Variants in MED24 observed in about 807,000 individuals in gnomAD.
MED24 encodes mediator complex subunit 24, also known as mediator of RNA polymerase II transcription subunit 24.
MED24 carries 74 observed loss-of-function variants against 118.8 expected under a neutral mutation model. The observed-to-expected ratio is 0.62, with a 90% CI of 0.52 to 0.76. The LOEUF (loss-of-function observed/expected upper bound fraction) is 0.76, where lower values mean the gene tolerates loss of function less well. MED24 is among the 30% of genes least tolerant of loss of function. MED24 has a pLI of 0.00. For synonymous variants in MED24, 521 were observed against 523.9 expected, an observed-to-expected ratio of 0.99 and a Z score of 0.08; for missense variants, 1,041 against 1,278.9, an observed-to-expected ratio of 0.81 and a Z score of 2.84.
At chr17:40,036,035 G>T in intron 4 of MED24, 81 bp downstream of exon 4, 3 of 1,459,614 alleles carry the variant, frequency 2.1e-6, no homozygotes, top group Non-Finnish European at 2.9e-6. Flanking sequence ...CCAGCCTCAC[G>T]GGTCACAGCA....
rs1444788918 is a variant in MED24, at chr17:40,053,183, C to T, written c.213+115G>A. On this transcript the variant is annotated intron_variant, in intron 3 of 25. Coordinates refer to ENST00000394128, the MANE Select transcript of MED24 (RefSeq NM_014815.4). ...CTCCTGGGCTCAAGCAATCCGCCTG[C>T]CTCAGCCTCCCACAATGCTGGGATT... 12 of 1,005,712 alleles carry T rather than the reference C, an allele frequency of 1.2e-5. No individual in the cohort carries two copies. In the East Asian group the frequency reaches 2.8e-4, roughly 24 times the overall value. The allele number at this position is 1,005,712 out of a possible 1,614,324, so 62.3% of individuals were successfully genotyped here. A position where few individuals can be genotyped will look rare whatever the true frequency, so the allele number is the denominator to read the frequency against.
intron 3 of MED24, among the ~76,000 whole-genome samples, chr17:40,039,935 C>G (rs9916661): frequency 0.021 from 3,142 of 151,720 alleles, 130 homozygotes; most frequent in African/African-American, 0.072. Context: ...AGGCACCCAC[C>G]ACCACGCCCG....
intron 13 of MED24, among the ~76,000 whole-genome samples, chr17:40,029,321 C>T (rs1010552996): frequency 6.6e-6 from 1 of 152,194 alleles, no homozygotes; most frequent in Non-Finnish European, 1.5e-5. Flanking sequence ...GCCTCAGCCT[C>T]CCAAGTAACT....
intron 3 of MED24, among the ~76,000 whole-genome samples, chr17:40,038,978 C>T (rs1170936484): frequency 6.6e-6 from 1 of 152,096 alleles, no homozygotes; most frequent in Non-Finnish European, 1.5e-5. Context: ...CATAACGTTC[C>T]GGCGAGCGTT....
Position 40,033,098 on chromosome 17 carries a change from C to T in MED24, c.780G>A (p.Thr260=), listed in dbSNP as rs759218620. The T allele has an allele frequency of 4.3e-6, 7 of 1,614,100 alleles. No individual in the cohort carries two copies. The highest frequency in any genetic ancestry group is 1.7e-4 in the Middle Eastern group (1 of 6,060). The part of the protein sequence containing the change: ...LEGTMNLTGE[T]QSLVEQLTMV... ...TCGTCAGCTGCTCCACCAGGGACTG[C>T]GTCTCGCCTGTCAGGTTCATGGTGC... The change falls in exon 8 of 26, where the codon ACG becomes ACA. Residue 260 remains threonine (T), a synonymous_variant. Coordinates refer to ENST00000394128, the MANE Select transcript of MED24 (RefSeq NM_014815.4). The surrounding 1 kb of genome is among the most constrained non-coding windows in gnomAD (Gnocchi z 5.2).
chr17:40,023,529 C>A, intron 19 of MED24, 134 bp from the exon 20 acceptor site: 1 of 852,014 alleles, frequency 1.2e-6, no homozygotes, highest in East Asian at 2.6e-5. Flanking sequence ...CCCAGTTTTG[C>A]GCTGGGGGAC....
intron 3 of MED24, among the ~76,000 whole-genome samples, chr17:40,043,890 C>CAAAAAATAAAAAAAAAAAAAAAA (rs1984830223): frequency 1.0e-5 from 1 of 97,448 alleles, no homozygotes; most frequent in Non-Finnish European, 2.2e-5. Context: ...GACTCCATCT[C>CAAAAAATAAAAAAAAAAAAAAAA]AAAAAAAAAA....
At chr17:40,051,527 TCA>T (rs1985844385) in intron 3 of MED24, among the ~76,000 whole-genome samples, 4 of 151,738 alleles carry the variant, frequency 2.6e-5, no homozygotes, top group Non-Finnish European at 5.9e-5. Flanking sequence ...GGCACGAGAA[TCA>T]CTTAAACCTG....
chr17:40,046,142 T>A (rs1009843670), intron 3 of MED24, among the ~76,000 whole-genome samples: 5 of 146,082 alleles, frequency 3.4e-5, no homozygotes, highest in African/African-American at 1.3e-4. Flanking sequence ...TGGAGCGCAG[T>A]GGCGCGATCT....
At chr17:40,022,923 C>T in intron 20 of MED24, 97 bp from the exon 21 acceptor site, 1 of 1,450,776 alleles carries the variant, frequency 6.9e-7, no homozygotes, top group Non-Finnish European at 9.3e-7. Context: ...GTAAGGCCCG[C>T]AGAGGGGGCC....
At chr17:40,022,164 CCTCAGCCCCTCTCTG>C (rs1982100406) in intron 22 of MED24, 110 bp from the exon 23 acceptor site, 6 of 947,018 alleles carry the variant, frequency 6.3e-6, no homozygotes, top group Non-Finnish European at 9.5e-6. Flanking sequence ...GCTAGCAGGG[CCTCAGCCCCTCTCTG>C]CTCAACCCCT....
chr17:40,044,924 G>C (rs1984999798), intron 3 of MED24, among the ~76,000 whole-genome samples: 1 of 151,784 alleles, frequency 6.6e-6, no homozygotes. Context: ...AAGGTATGGG[G>C]AAATACTGTC....
chr17:40,035,491 C>A, intron 5 of MED24, 142 bp from the exon 6 acceptor site: 3 of 1,016,040 alleles, frequency 3.0e-6, no homozygotes, highest in South Asian at 3.4e-5. Context: ...AGATGCTTAG[C>A]CCCTTTGGCT....
At chr17:40,037,420 T>C (rs1984072677) in intron 3 of MED24, among the ~76,000 whole-genome samples, 1 of 152,078 alleles carries the variant, frequency 6.6e-6, no homozygotes, top group Non-Finnish European at 1.5e-5. Context: ...GGCGGGTGCC[T>C]GCAGTCCCCA....
rs1021430917 is a variant in MED24, at chr17:40,019,173, CAA to C, written c.*354_*355del. 91 of 193,786 alleles carry C rather than the reference CAA, an allele frequency of 4.7e-4. No individual in the cohort carries two copies. Among genetic ancestry groups the C allele is most frequent in the African/African-American group, 2.3e-3 (90 of 38,922 alleles). 12.0% of individuals were successfully genotyped at this position (193,786 alleles called of 1,614,324 possible). A position where few individuals can be genotyped will look rare whatever the true frequency, so the allele number is the denominator to read the frequency against. On this transcript the variant is annotated 3_prime_UTR_variant, in exon 26 of 26. Transcript: ENST00000394128. ...TCCCTCACATATTACAAAATACACA[CAA>C]ACACACACACACACACACACACACA...
At position 40,033,375 on chromosome 17, in the gene MED24, T is replaced by A; in HGVS notation, c.641A>T (p.Gln214Leu). 1 of 1,612,802 alleles carries A rather than the reference T, an allele frequency of 6.2e-7. No individual in the cohort carries two copies. Among genetic ancestry groups the A allele is most frequent in the East Asian group, 2.2e-5 (1 of 44,840 alleles). The stretch of plus-strand genomic sequence containing the variant: ...AATGAGGGTGCCACACTGCTCGGCC[T>A]GACTCCGGAGCTGCGGGTTGCTGAG... ...ANLSNPQLRS[Q>L]AEQCGTLIRS... Residue 214 changes from glutamine to leucine, a missense_variant, in exon 7 of 26, where the codon CAG becomes CTG. By Grantham distance (113) the Gln-to-Leu change is moderately radical (BLOSUM62 -2). Around this residue, in one of 3 missense-constraint regions of MED24, gnomAD observed 434 missense variants for 514.9 expected, o/e 0.84. Transcript: ENST00000394128. This position sits in a 1 kb window ranked among gnomAD's most constrained non-coding sequence, Gnocchi z 5.2.
intron 15 of MED24, 147 bp downstream of exon 15, chr17:40,027,762 C>T (rs1982867078): frequency 1.1e-6 from 1 of 889,904 alleles, no homozygotes. Context: ...CACTTTCAAG[C>T]TCTGTGGAAG....
chr17:40,029,842 T>C lies in MED24; in HGVS notation c.1172A>G (p.His391Arg). Residue 391 changes from histidine (H) to arginine (R), a missense_variant, in exon 13 of 26, where the codon CAC (histidine) becomes CGC (arginine). Transcript: ENST00000394128. ...CTCTCCCGATTTCTGCTGGGGTGCGTGCTCTCGGTCCGCTTTGCTGTGGAC... is the reference window on the plus strand; with the variant it reads ...CTCTCCCGATTTCTGCTGGGGTGCGCGCTCTCGGTCCGCTTTGCTGTGGAC... Reference protein sequence around the residue: ...LMAKRKADREHAPQQKSGENA... With the variant: ...LMAKRKADRERAPQQKSGENA... 6.2e-7 allele frequency: 1 copy of C among 1,614,108 alleles called. No homozygotes were observed. Among genetic ancestry groups the C allele is most frequent in the African/African-American group, 1.3e-5 (1 of 75,030 alleles).
chr17:40,053,513 T>G lies in MED24; in HGVS notation c.86A>C (p.Lys29Thr), dbSNP rs751905493. The G allele has an allele frequency of 2.5e-6, 4 of 1,614,210 alleles. No homozygotes were observed. Among genetic ancestry groups the G allele is most frequent in the East Asian group, 4.5e-5 (2 of 44,890 alleles). ...CCAGGTGGCTCCTTTAGGAAAGAAT[T>G]TCTTCATGTTGATTGCCCATTGGTA... ...SDYQWAINMK[K>T]FFPKGATWDI... Residue 29 changes from lysine to threonine, a missense_variant, in exon 2 of 26, where the codon AAA becomes ACA. Coordinates refer to ENST00000394128, the MANE Select transcript of MED24 (RefSeq NM_014815.4).
Sources: gnomAD v4.1 joint callset for allele counts (sites outside exome capture counted in the v4.1 genomes callset) on GRCh38, gnomAD v4.1.1 for gene constraint, gnomAD v4.1.1 regional missense constraint, Gnocchi (gnomAD v3.1) non-coding constraint, MANE v1.5 for transcripts, NCBI Gene and HGNC (gene_info 2026-07-23, HGNC 2026-07-21) for gene names.